The following MAML2 variants were observed in gnomAD, a reference collection of about 807,000 sequenced individuals.
MAML2 encodes the protein mastermind like transcriptional coactivator 2.
In MAML2, 22 loss-of-function variants were observed where a neutral mutation model predicts 96.1. The observed-to-expected ratio is 0.23, with a 90% CI of 0.16 to 0.33. The LOEUF is 0.33. Among genes scored for constraint, MAML2 ranks in the 10% least tolerant of loss-of-function variants. MAML2 has a pLI of 1.00. For missense variants in MAML2, 1,367 were observed against 1,392.4 expected, an observed-to-expected ratio of 0.98 and a Z score of 0.29; for synonymous variants, 561 against 521.3, an observed-to-expected ratio of 1.08 and a Z score of -1.04.
At chr11:96,299,059 A>T (rs1448768024) in intron 1 of MAML2, among the ~76,000 whole-genome samples, 1 of 59,204 alleles carries the variant, frequency 1.7e-5, no homozygotes, top group Admixed American at 1.8e-4. Context: ...AAAAAAAAAA[A>T]AATATATATA....
At chr11:96,271,049 C>T (rs989433250) in intron 1 of MAML2, among the ~76,000 whole-genome samples, 9 of 152,334 alleles carry the variant, frequency 5.9e-5, no homozygotes, top group African/African-American at 1.9e-4. Flanking sequence ...AATTCTTTAG[C>T]TTCTCGACTC....
intron 2 of MAML2, among the ~76,000 whole-genome samples, chr11:96,042,197 C>T (rs969205038): frequency 3.9e-5 from 6 of 152,128 alleles, no homozygotes; most frequent in Non-Finnish European, 7.4e-5. Flanking sequence ...AGGATGGTCT[C>T]GATCTCCTGA....
chr11:96,181,401 A>C (rs1565240103), intron 1 of MAML2, among the ~76,000 whole-genome samples: 2 of 151,924 alleles, frequency 1.3e-5, no homozygotes, highest in Non-Finnish European at 2.9e-5. Flanking sequence ...GATCGAGACT[A>C]TTTTTTTCTC....
chr11:96,056,388 G>GAAAA lies in MAML2; in HGVS notation c.2139+35500_2139+35503dup, dbSNP rs34837308. ...TTTAGTTTTATGGCTATTTTCTGAG[G>GAAAA]AAAAAAAAAAAAAAAAAAGCCCAGG... On this transcript the variant is annotated intron_variant, in intron 2 of 4. Transcript: ENST00000524717. Among the ~76,000 whole-genome samples, 121 of 97,580 alleles carry GAAAA rather than the reference G, an allele frequency of 1.2e-3. 3 individuals carry two copies. Among genetic ancestry groups the GAAAA allele is most frequent in the East Asian group, 2.0e-3 (7 of 3,588 alleles). 64.0% of individuals were successfully genotyped at this position (97,580 alleles called of 152,430 possible).
intron 1 of MAML2, among the ~76,000 whole-genome samples, chr11:96,107,539 T>C (rs1225090543): frequency 6.6e-6 from 1 of 152,218 alleles, no homozygotes; most frequent in Non-Finnish European, 1.5e-5. Flanking sequence ...ACTAAAACCC[T>C]TGGACTCTCT....
chr11:96,317,564 G>C (rs1863648405), intron 1 of MAML2, among the ~76,000 whole-genome samples: 1 of 152,130 alleles, frequency 6.6e-6, no homozygotes, highest in Non-Finnish European at 1.5e-5. Context: ...TTCTTTCTGA[G>C]GCTGGAAGTT....
chr11:96,100,588 GC>G (rs1172919852), intron 1 of MAML2, among the ~76,000 whole-genome samples: 2 of 151,192 alleles, frequency 1.3e-5, no homozygotes, highest in African/African-American at 4.9e-5. Flanking sequence ...GGGATTACAG[GC>G]GTGAGCCACC....
At chr11:96,306,866 G>T (rs1021482991) in intron 1 of MAML2, among the ~76,000 whole-genome samples, 1 of 152,162 alleles carries the variant, frequency 6.6e-6, no homozygotes, top group Non-Finnish European at 1.5e-5. Context: ...GAGTGAGCAC[G>T]AGGAATTGAT....
At chr11:96,013,724 G>A (rs893460399) in intron 2 of MAML2, among the ~76,000 whole-genome samples, 3 of 152,220 alleles carry the variant, frequency 2.0e-5, no homozygotes, top group African/African-American at 7.2e-5. Context: ...GCGGGACGAG[G>A]TGGGGCTGTT....
Position 96,342,404 on chromosome 11 carries a change from T to C in MAML2, c.-509A>G. 2.5e-6 allele frequency: 1 copy of C among 399,416 alleles called. No individual in the cohort carries two copies. Among genetic ancestry groups the C allele is most frequent in the Admixed American group, 4.4e-5 (1 of 22,808 alleles). The allele number at this position is 399,416 out of a possible 1,614,324, so 24.7% of individuals were successfully genotyped here. ...ATGTTTCTGCAGAGAAACACATTTCTACCATGTCTATGTAACCAGCAGCCT... is the reference window on the plus strand; with the variant it reads ...ATGTTTCTGCAGAGAAACACATTTCCACCATGTCTATGTAACCAGCAGCCT... On this transcript the variant is annotated 5_prime_UTR_variant, in exon 1 of 5. Coordinates refer to ENST00000524717, the MANE Select transcript of MAML2 (RefSeq NM_032427.4).
At chr11:96,274,075 T>C (rs1372825152) in intron 1 of MAML2, among the ~76,000 whole-genome samples, 1 of 146,542 alleles carries the variant, frequency 6.8e-6, no homozygotes, top group Admixed American at 6.8e-5. Flanking sequence ...TTTTTCCTTT[T>C]CCTTTTTTTT....
rs200362045 is a variant in MAML2 at position 96,092,416 on chromosome 11, G to T, written c.1615C>A (p.Arg539=). ...GGGTGCGGGTTGTTAATAAAACTTCGACTGAGATCCTGAGGCTTTTGCTGC... is the reference window on the plus strand; with the variant it reads ...GGGTGCGGGTTGTTAATAAAACTTCTACTGAGATCCTGAGGCTTTTGCTGC... ...LMQQKPQDLS[R]SFINNPHPAM... The change falls in exon 2 of 5, where the codon CGA becomes AGA. Residue 539 remains arginine (R), a synonymous_variant. Transcript: ENST00000524717. This position sits in a 1 kb window ranked among gnomAD's most constrained non-coding sequence, Gnocchi z 4.1. The T allele has an allele frequency of 3.3e-4, 526 of 1,613,960 alleles. No homozygotes were observed. Among genetic ancestry groups the T allele is most frequent in the Non-Finnish European group, 3.9e-4 (463 of 1,179,880 alleles).
At position 96,269,158 on chromosome 11, in the gene MAML2, G is replaced by A. The variant is rs1004671780; in HGVS notation, c.513+72225C>T. On this transcript the variant is annotated intron_variant, in intron 1 of 4. Coordinates refer to ENST00000524717, the MANE Select transcript of MAML2 (RefSeq NM_032427.4). The stretch of plus-strand genomic sequence containing the variant: ...TGCACAGACTTTTGAGAAATTTCAA[G>A]TTGCCTGTTATTGAAGATGATTAAG... Among the ~76,000 whole-genome samples, 13 of 144,676 alleles carry A rather than the reference G, an allele frequency of 9.0e-5. 3 individuals are homozygous for A. Among genetic ancestry groups the A allele is most frequent in the African/African-American group, 3.4e-4 (13 of 37,696 alleles). The allele number at this position is 144,676 out of a possible 152,430, so 94.9% of individuals were successfully genotyped here.
At chr11:96,260,296 T>C (rs1049200423) in intron 1 of MAML2, among the ~76,000 whole-genome samples, 7 of 152,152 alleles carry the variant, frequency 4.6e-5, no homozygotes, top group African/African-American at 1.4e-4. Context: ...ACCCAGTCTG[T>C]ACTCAGGTGA....
chr11:95,977,159 A>G lies in MAML2; in HGVS notation c.*1789T>C, dbSNP rs747527232. ...ACCATCATATTATACAAAACTTTGC[A>G]TATTAGCATACAAAAGGTAGCAATT... On this transcript the variant is annotated 3_prime_UTR_variant, in exon 5 of 5. Transcript: ENST00000524717. 1.6e-5 allele frequency: 3 copies of G among 191,260 alleles called. No homozygotes were observed. The highest frequency in any genetic ancestry group is 3.3e-5 in the Non-Finnish European group (3 of 91,312). The allele number at this position is 191,260 out of a possible 1,614,324, so 11.8% of individuals were successfully genotyped here. A position where few individuals can be genotyped will look rare whatever the true frequency, so the allele number is the denominator to read the frequency against.
intron 1 of MAML2, among the ~76,000 whole-genome samples, chr11:96,134,150 T>C (rs1860589712): frequency 6.6e-6 from 1 of 152,260 alleles, no homozygotes; most frequent in African/African-American, 2.4e-5. Flanking sequence ...TATTAGTCTC[T>C]GAATATGACT....
chr11:96,148,482 T>A (rs1379505634), intron 1 of MAML2, among the ~76,000 whole-genome samples: 2 of 150,618 alleles, frequency 1.3e-5, no homozygotes, highest in Non-Finnish European at 3.0e-5. Context: ...AGCCTAGGTG[T>A]GGTCATTCTT....
chr11:96,228,322 G>A (rs528166976), intron 1 of MAML2, among the ~76,000 whole-genome samples: 1 of 152,200 alleles, frequency 6.6e-6, no homozygotes, highest in South Asian at 2.1e-4. Context: ...ACTATCTAGA[G>A]GTAAAGCTCT....
intron 1 of MAML2, among the ~76,000 whole-genome samples, chr11:96,286,619 CTTTT>C (rs1863144337): frequency 7.8e-6 from 1 of 127,418 alleles, no homozygotes; most frequent in Non-Finnish European, 1.7e-5. Flanking sequence ...TATTATCATT[CTTTT>C]TATCTTTTTT....
Sources: gnomAD v4.1 joint callset for allele counts (sites outside exome capture counted in the v4.1 genomes callset) on GRCh38, gnomAD v4.1.1 for gene constraint, Gnocchi (gnomAD v3.1) non-coding constraint, MANE v1.5 for transcripts, NCBI Gene and HGNC (gene_info 2026-07-23, HGNC 2026-07-21) for gene names.